Variants in MARCHF1 observed in about 807,000 individuals in gnomAD.
MARCHF1 encodes the protein E3 ubiquitin-protein ligase MARCHF1.
Under a neutral mutation model 54.2 loss-of-function variants are expected in MARCHF1, and 40 were observed. The ratio of observed to expected loss-of-function variants is 0.74; its 90% confidence interval spans 0.57 to 0.96. The LOEUF is 0.96. Ranked by LOEUF, MARCHF1 falls within the 40% of genes least tolerant of loss-of-function variation. MARCHF1 has a pLI of 0.00. For missense variants in MARCHF1, 586 were observed against 656.5 expected, an observed-to-expected ratio of 0.89 and a Z score of 1.17; for synonymous variants, 236 against 236.3, an observed-to-expected ratio of 1.00 and a Z score of 0.01.
intron 8 of MARCHF1, among the ~76,000 whole-genome samples, chr4:163,552,347 C>T (rs1739133495): frequency 6.6e-6 from 1 of 152,160 alleles, no homozygotes; most frequent in Admixed American, 6.5e-5. Context: ...TTAACAGCTA[C>T]CATCTTGAGA....
At chr4:163,779,296 G>T (rs1747396311) in intron 4 of MARCHF1, among the ~76,000 whole-genome samples, 2 of 152,152 alleles carry the variant, frequency 1.3e-5, no homozygotes, top group Non-Finnish European at 1.5e-5. Flanking sequence ...AGTGTTATAA[G>T]TAATAGTTAA....
intron 1 of MARCHF1, among the ~76,000 whole-genome samples, chr4:164,279,444 C>G (rs1284032253): frequency 6.6e-6 from 1 of 151,276 alleles, no homozygotes; most frequent in Non-Finnish European, 1.5e-5. Flanking sequence ...ATGTTGCCTA[C>G]ATATATGACA....
intron 1 of MARCHF1, among the ~76,000 whole-genome samples, chr4:164,239,506 T>A (rs1732663871): frequency 1.3e-5 from 2 of 152,292 alleles, no homozygotes; most frequent in Admixed American, 6.5e-5. Context: ...TGGTTTGACA[T>A]GATTATAGTC....
intron 5 of MARCHF1, among the ~76,000 whole-genome samples, chr4:163,667,142 C>CT (rs200949531): frequency 6.6e-6 from 1 of 151,704 alleles, no homozygotes; most frequent in Non-Finnish European, 1.5e-5. Flanking sequence ...TCATGAAGTT[C>CT]TTTTTTTAAA....
chr4:163,936,719 T>A lies in MARCHF1; in HGVS notation c.-39+51782A>T, dbSNP rs987638878. 1.3e-5 allele frequency among the ~76,000 whole-genome samples: 2 copies of A among 152,324 alleles called. 1 individual carries two copies. The highest frequency in any genetic ancestry group is 4.1e-4 in the South Asian group (2 of 4,828). On this transcript the variant is annotated intron_variant, in intron 3 of 9. Transcript: ENST00000514618. ...ATACCAGCTTGAGATGTAAACCAAC[T>A]GCAGTTTGATTGTGTGAAACACCAT... is the stretch of plus-strand genomic sequence containing the variant.
At chr4:164,205,570 A>C (rs1310924460) in intron 1 of MARCHF1, among the ~76,000 whole-genome samples, 1 of 152,216 alleles carries the variant, frequency 6.6e-6, no homozygotes, top group East Asian at 1.9e-4. Context: ...AAAATAACCA[A>C]AATTGTTCTA....
intron 2 of MARCHF1, among the ~76,000 whole-genome samples, chr4:164,064,999 C>A (rs901359152): frequency 7.9e-5 from 12 of 152,144 alleles, no homozygotes; most frequent in African/African-American, 2.9e-4. Context: ...AGGGATAAAG[C>A]CAGCTTGATC....
chr4:163,945,806 GA>G (rs1752011803), intron 3 of MARCHF1, among the ~76,000 whole-genome samples: 1 of 152,008 alleles, frequency 6.6e-6, no homozygotes, highest in African/African-American at 2.4e-5. Context: ...GTCAGTTTAA[GA>G]AAAAAGCTTT....
chr4:163,939,535 G>T (rs994497569), intron 3 of MARCHF1, among the ~76,000 whole-genome samples: 35 of 152,126 alleles, frequency 2.3e-4, no homozygotes, highest in African/African-American at 8.4e-4. Context: ...ATTTTGAGAG[G>T]CTCATCCACA....
intron 4 of MARCHF1, among the ~76,000 whole-genome samples, chr4:163,789,658 A>G (rs552560686): frequency 6.6e-6 from 1 of 152,178 alleles, no homozygotes; most frequent in Non-Finnish European, 1.5e-5. Context: ...ATTTTAACAA[A>G]TATATCAGAT....
At chr4:164,126,280 T>C (rs1756177782) in intron 1 of MARCHF1, among the ~76,000 whole-genome samples, 1 of 152,160 alleles carries the variant, frequency 6.6e-6, no homozygotes, top group African/African-American at 2.4e-5. Context: ...CCAAGGGAGT[T>C]ATGTCTTCCC....
intron 8 of MARCHF1, 88 bp from the exon 9 acceptor site, chr4:163,545,831 G>T (rs555303958): frequency 1.5e-5 from 17 of 1,120,376 alleles, no homozygotes; most frequent in Non-Finnish European, 2.1e-5. Flanking sequence ...ATCATGAATG[G>T]AAGAAAAACA....
At chr4:164,205,550 TATTTA>T (rs1731583299) in intron 1 of MARCHF1, among the ~76,000 whole-genome samples, 1 of 152,166 alleles carries the variant, frequency 6.6e-6, no homozygotes, top group Non-Finnish European at 1.5e-5. Context: ...TAAAGTTTCC[TATTTA>T]ATTTAAAATA....
intron 7 of MARCHF1, among the ~76,000 whole-genome samples, chr4:163,601,684 C>A (rs1351469887): frequency 6.6e-6 from 1 of 151,936 alleles, no homozygotes; most frequent in African/African-American, 2.4e-5. Context: ...GAGCATCATA[C>A]TTCTATCTAT....
rs147429837 is a variant in MARCHF1 at position 163,697,153 on chromosome 4, C to G, written c.162+3660G>C. Among the ~76,000 whole-genome samples, 1,008 of 152,122 alleles carry G rather than the reference C, an allele frequency of 6.6e-3. 12 individuals are homozygous for G. The highest frequency in any genetic ancestry group is 0.023 in the African/African-American group (960 of 41,478). ...CGACACATATGAAGAAGTGTTGCCACCAGGGGAGCTCGTAAGAGCCTCAGT... is the reference window on the plus strand; with the variant it reads ...CGACACATATGAAGAAGTGTTGCCAGCAGGGGAGCTCGTAAGAGCCTCAGT... On this transcript the variant is annotated intron_variant, in intron 5 of 9. Coordinates refer to ENST00000514618, the MANE Select transcript of MARCHF1 (RefSeq NM_001394959.1).
Position 163,563,421 on chromosome 4 carries a change from T to G in MARCHF1, c.1192-17678A>C, listed in dbSNP as rs1314063689. Among the ~76,000 whole-genome samples the G allele has an allele frequency of 2.0e-5, 3 of 152,236 alleles. No individual in the cohort carries two copies. The East Asian group carries it at 5.8e-4, about 29-fold the overall frequency. On this transcript the variant is annotated intron_variant, in intron 8 of 9. Coordinates refer to ENST00000514618, the MANE Select transcript of MARCHF1 (RefSeq NM_001394959.1). ...GTACTATTTTCTTTCCTAGGACTGC[T>G]TCAACTCTCTGTATCTCACTGGGAA...
intron 4 of MARCHF1, among the ~76,000 whole-genome samples, chr4:163,819,570 C>A (rs1230922250): frequency 6.6e-6 from 1 of 152,100 alleles, no homozygotes; most frequent in Non-Finnish European, 1.5e-5. Flanking sequence ...CATGTGAAAA[C>A]TTTTCAAGCC....
chr4:164,015,956 G>T (rs1426012707), intron 2 of MARCHF1, among the ~76,000 whole-genome samples: 1 of 151,020 alleles, frequency 6.6e-6, no homozygotes, highest in Non-Finnish European at 1.5e-5. Flanking sequence ...TCCCACTGCT[G>T]GGTCTATGTT....
intron 4 of MARCHF1, among the ~76,000 whole-genome samples, chr4:163,746,947 T>A (rs1263912564): frequency 1.3e-5 from 2 of 152,182 alleles, no homozygotes; most frequent in Non-Finnish European, 2.9e-5. Flanking sequence ...AGTTGACCAC[T>A]GAAGCTTGTC....
Sources: gnomAD v4.1 joint callset for allele counts (sites outside exome capture counted in the v4.1 genomes callset) on GRCh38, gnomAD v4.1.1 for gene constraint, MANE v1.5 for transcripts, NCBI Gene and HGNC (gene_info 2026-07-23, HGNC 2026-07-21) for gene names.